Variants in FOXP2 observed in about 807,000 individuals in gnomAD.
FOXP2 encodes the protein forkhead box protein P2.
FOXP2 carries 12 observed loss-of-function variants against 115.8 expected under a neutral mutation model. The observed-to-expected ratio is 0.10, with a 90% confidence interval of 0.07 to 0.17. The LOEUF is 0.17. FOXP2 is among the 10% of genes least tolerant of loss of function. The probability of loss-of-function intolerance (pLI) is 1.00; values close to 1 mark genes in which losing one functional copy is unlikely to be tolerated. For synonymous variants in FOXP2, 328 were observed against 297.7 expected (o/e 1.10, Z -1.05); for missense variants, 629 against 843.5 (o/e 0.75, Z 3.15).
At chr7:114,403,944 T>C (rs1792954028) in intron 2 of FOXP2, among the ~76,000 whole-genome samples, 1 of 152,206 alleles carries the variant, frequency 6.6e-6, no homozygotes, top group East Asian at 1.9e-4. Context: ...CAGCAACTTA[T>C]GTCTTGGGTT....
chr7:114,358,200 T>G (rs1322778526), intron 2 of FOXP2, among the ~76,000 whole-genome samples: 4 of 152,156 alleles, frequency 2.6e-5, no homozygotes, highest in Non-Finnish European at 5.9e-5. Context: ...ACGCACTTTC[T>G]TGCCTGCTGC....
intron 16 of FOXP2, among the ~76,000 whole-genome samples, chr7:114,670,345 TGTA>T: frequency 6.6e-6 from 1 of 152,146 alleles, no homozygotes; most frequent in South Asian, 2.1e-4. Context: ...AAATGAGTAA[TGTA>T]GTATTATTTC....
chr7:114,109,582 G>A (rs531942927), intron 1 of FOXP2, among the ~76,000 whole-genome samples: 1 of 152,170 alleles, frequency 6.6e-6, no homozygotes, highest in East Asian at 1.9e-4. Context: ...AGGAAATCAA[G>A]AAGTGTTAGT....
rs182436696 is a variant in FOXP2 at position 114,631,446 on chromosome 7, G to A, written c.598-82G>A. 6.9e-5 allele frequency: 107 copies of A among 1,545,220 alleles called. No homozygotes were observed. In the East Asian group the frequency reaches 1.0e-3, roughly 14 times the overall value. On this transcript the variant is annotated intron_variant, in intron 5 of 16. Transcript: ENST00000350908. ...CAAAAAACCCACTCAGGCAATGAAAGGAGTGTGCATTTCCCTGTAAGAGAG... is the reference window on the plus strand; with the variant it reads ...CAAAAAACCCACTCAGGCAATGAAAAGAGTGTGCATTTCCCTGTAAGAGAG...
intron 1 of FOXP2, among the ~76,000 whole-genome samples, chr7:114,261,698 A>C (rs1562842569): frequency 6.6e-6 from 1 of 152,208 alleles, no homozygotes. Flanking sequence ...ATGTGAGGTG[A>C]TTAGCATGGT....
At chr7:114,285,599 T>C (rs1428268379) in intron 1 of FOXP2, 1 of 152,088 alleles carries the variant, frequency 6.6e-6, no homozygotes, top group Non-Finnish European at 1.5e-5. Context: ...AATTTATGCT[T>C]TTGTTAGCAG....
chr7:114,399,739 T>G (rs1010879215), intron 2 of FOXP2, among the ~76,000 whole-genome samples: 2 of 151,854 alleles, frequency 1.3e-5, no homozygotes, highest in Admixed American at 6.6e-5. Context: ...AAATAAATAA[T>G]ACTGTGTGTT....
intron 6 of FOXP2, among the ~76,000 whole-genome samples, chr7:114,639,398 G>A (rs117285525): frequency 2.0e-5 from 3 of 152,168 alleles, no homozygotes; most frequent in Non-Finnish European, 4.4e-5. Context: ...AGGCAGTGGA[G>A]ATACACCAGT....
At chr7:114,470,894 G>T (rs1189234130) in intron 2 of FOXP2, among the ~76,000 whole-genome samples, 1 of 152,012 alleles carries the variant, frequency 6.6e-6, no homozygotes, top group African/African-American at 2.4e-5. Flanking sequence ...TGGACCTGAA[G>T]TTCCCATTCC....
chr7:114,393,322 C>T (rs1243561403), intron 2 of FOXP2, among the ~76,000 whole-genome samples: 1 of 151,282 alleles, frequency 6.6e-6, no homozygotes, highest in African/African-American at 2.4e-5. Flanking sequence ...GCAGTTTAGT[C>T]TTACAGCCAT....
chr7:114,369,534 T>TAA (rs557419747), intron 2 of FOXP2, among the ~76,000 whole-genome samples: 2 of 146,924 alleles, frequency 1.4e-5, no homozygotes, highest in East Asian at 4.0e-4. Context: ...TAAACACTGC[T>TAA]AAAAAAAAAA....
intron 3 of FOXP2, among the ~76,000 whole-genome samples, chr7:114,608,709 A>ATAAAC (rs769949099): frequency 6.6e-6 from 1 of 152,228 alleles, no homozygotes; most frequent in Non-Finnish European, 1.5e-5. Flanking sequence ...GACCGAAGTA[A>ATAAAC]TAAACTTGCA....
intron 1 of FOXP2, among the ~76,000 whole-genome samples, chr7:114,149,071 T>C (rs1034033907): frequency 6.6e-6 from 1 of 152,134 alleles, no homozygotes; most frequent in Non-Finnish European, 1.5e-5. Flanking sequence ...CACATGCAAA[T>C]ATTTTTGAAT....
At position 114,642,539 on chromosome 7, in the gene FOXP2, C is replaced by T; in HGVS notation, c.905C>T (p.Ser302Phe). Residue 302 changes from serine to phenylalanine, a missense_variant, in exon 7 of 17, where the codon TCC becomes TTC. Physicochemically the swap from Ser to Phe is radical, Grantham distance 155. Transcript: ENST00000350908. ...TTNNSSSTTSSNTSKASPPIT... is the reference protein window; with the variant it reads ...TTNNSSSTTSFNTSKASPPIT... ...AACAATTCCTCCTCGACTACCTCCT[C>T]CAACACTTCCAAAGCATCACCACCA... The T allele has an allele frequency of 6.2e-7, 1 of 1,613,822 alleles. No homozygotes were observed. The highest frequency in any genetic ancestry group is 2.2e-5 in the East Asian group (1 of 44,822).
rs79121267 is a variant in FOXP2, at chr7:114,437,934, A to G, written c.168+11255A>G. ...GAGACGTGCTTTAAGTGTAAAATAC[A>G]CACTGGATTATGAAGACTTAGTACA... On this transcript the variant is annotated intron_variant, in intron 2 of 16. Coordinates refer to ENST00000350908, the MANE Select transcript of FOXP2 (RefSeq NM_014491.4). 7.1e-3 allele frequency among the ~76,000 whole-genome samples: 1,083 copies of G among 152,338 alleles called. 15 individuals are homozygous for G. The highest frequency in any genetic ancestry group is 0.025 in the African/African-American group (1,028 of 41,590).
chr7:114,588,808 C>G (rs1243443774), intron 3 of FOXP2, among the ~76,000 whole-genome samples: 5 of 152,150 alleles, frequency 3.3e-5, no homozygotes, highest in Non-Finnish European at 5.9e-5. Flanking sequence ...CTTCTTCCTG[C>G]CAACTAACTG....
intron 2 of FOXP2, among the ~76,000 whole-genome samples, chr7:114,390,512 T>TA: frequency 2.5e-5 from 1 of 40,310 alleles, no homozygotes; most frequent in African/African-American, 6.4e-5. Flanking sequence ...CATACTTTTG[T>TA]TTTATTTATG....
intron 1 of FOXP2, among the ~76,000 whole-genome samples, chr7:114,199,501 A>AT (rs1231736673): frequency 2.6e-5 from 4 of 152,220 alleles, no homozygotes; most frequent in Non-Finnish European, 5.9e-5. Context: ...ATGTGGAAGC[A>AT]TTAGAAAGGG....
chr7:114,321,280 C>A (rs1467863301), intron 2 of FOXP2, among the ~76,000 whole-genome samples: 9 of 151,932 alleles, frequency 5.9e-5, no homozygotes, highest in Non-Finnish European at 1.3e-4. Context: ...CTCACTGCAA[C>A]CTCTGCCTCC....
Sources: gnomAD v4.1 joint callset for allele counts (sites outside exome capture counted in the v4.1 genomes callset) on GRCh38, gnomAD v4.1.1 for gene constraint, MANE v1.5 for transcripts, NCBI Gene and HGNC (gene_info 2026-07-23, HGNC 2026-07-21) for gene names.